Variants in HS3ST5 observed in about 807,000 individuals in gnomAD.
The protein encoded by HS3ST5 is heparan sulfate glucosamine 3-O-sulfotransferase 5.
HS3ST5 carries 10 observed loss-of-function variants against 25.4 expected under a neutral mutation model. That is an observed-to-expected ratio of 0.39 (90% confidence interval 0.24 to 0.67). The LOEUF (loss-of-function observed/expected upper bound fraction) is 0.67, where lower values mean the gene tolerates loss of function less well. HS3ST5 is among the 30% of genes least tolerant of loss of function. HS3ST5 has a pLI of 0.44. For synonymous variants in HS3ST5, 170 were observed against 162.4 expected (o/e 1.05, Z -0.36); for missense variants, 324 against 420.7 (o/e 0.77, Z 2.01).
chr6:114,058,117 G>C lies in HS3ST5; in HGVS notation c.181C>G (p.Leu61Val), dbSNP rs777952604. ...TGCAGCAGGCCACGCTTAAACTGCAGGGCGCGAAGTGGGAATTCAGCCTGA... is the reference window on the plus strand; with the variant it reads ...TGCAGCAGGCCACGCTTAAACTGCACGGCGCGAAGTGGGAATTCAGCCTGA... ...RTQAEFPLRA[L>V]QFKRGLLHEF... The change falls in exon 5 of 5, where the codon CTG becomes GTG. Residue 61 changes from leucine (L) to valine (V), a missense_variant. Leu to Val is a conservative substitution (Grantham distance 32). This residue lies in a region of HS3ST5 where 121 missense variants were observed against 117.3 expected (regional missense o/e 1.03). Coordinates refer to ENST00000312719, the MANE Select transcript of HS3ST5 (RefSeq NM_153612.4). 6.2e-6 allele frequency: 10 copies of C among 1,613,996 alleles called. No homozygotes were observed. Among genetic ancestry groups the C allele is most frequent in the Non-Finnish European group, 8.5e-6 (10 of 1,179,914 alleles).
At chr6:114,126,861 G>A (rs1777063387) in intron 3 of HS3ST5, among the ~76,000 whole-genome samples, 1 of 152,190 alleles carries the variant, frequency 6.6e-6, no homozygotes, top group Non-Finnish European at 1.5e-5. Flanking sequence ...TGCACAGGAA[G>A]CCATGAGCAG....
chr6:114,095,415 G>A (rs957166291), intron 3 of HS3ST5, among the ~76,000 whole-genome samples: 1 of 152,138 alleles, frequency 6.6e-6, no homozygotes, highest in African/African-American at 2.4e-5. Flanking sequence ...CACAACCCAT[G>A]CCTTTCTTCA....
At chr6:114,060,575 G>A (rs1429799391) in intron 4 of HS3ST5, among the ~76,000 whole-genome samples, 1 of 152,148 alleles carries the variant, frequency 6.6e-6, no homozygotes, top group African/African-American at 2.4e-5. Context: ...TCTGTCCTAA[G>A]CACCTAGAAT....
chr6:114,335,351 T>G (rs930371729), intron 1 of HS3ST5, among the ~76,000 whole-genome samples: 1 of 152,152 alleles, frequency 6.6e-6, no homozygotes, highest in Admixed American at 6.5e-5. Flanking sequence ...ACTTGATCTC[T>G]TAAGTCAAGT....
chr6:114,203,912 G>C (rs12199211), intron 2 of HS3ST5, among the ~76,000 whole-genome samples: 2,969 of 152,264 alleles, frequency 0.019, 41 homozygotes, highest in Non-Finnish European at 0.028. Flanking sequence ...CAGGCAAGAG[G>C]AACCCATTGG....
chr6:114,107,693 G>A (rs1776062135), intron 3 of HS3ST5, among the ~76,000 whole-genome samples: 1 of 152,162 alleles, frequency 6.6e-6, no homozygotes, highest in African/African-American at 2.4e-5. Flanking sequence ...TATAAACTCA[G>A]CTGTATTTCT....
chr6:114,208,680 T>C (rs1781383968), intron 2 of HS3ST5, among the ~76,000 whole-genome samples: 1 of 152,172 alleles, frequency 6.6e-6, no homozygotes, highest in Non-Finnish European at 1.5e-5. Flanking sequence ...CGTTTGTTGG[T>C]ATTGCATTGT....
At chr6:114,207,805 TTAC>T (rs1468792496) in intron 2 of HS3ST5, among the ~76,000 whole-genome samples, 6 of 152,200 alleles carry the variant, frequency 3.9e-5, no homozygotes, top group Non-Finnish European at 8.8e-5. Flanking sequence ...TTAACATACC[TTAC>T]TACTATGTAA....
intron 1 of HS3ST5, among the ~76,000 whole-genome samples, chr6:114,257,739 T>G (rs1311546513): frequency 3.9e-5 from 6 of 152,128 alleles, no homozygotes; most frequent in African/African-American, 1.4e-4. Context: ...TTCTTCTTGT[T>G]GTTCTTTTTT....
chr6:114,135,587 C>T (rs1777554726), intron 3 of HS3ST5, among the ~76,000 whole-genome samples: 1 of 152,224 alleles, frequency 6.6e-6, no homozygotes, highest in Non-Finnish European at 1.5e-5. Context: ...GCTCACTCTG[C>T]ATGTCACCAT....
chr6:114,120,414 T>C (rs1440476340), intron 3 of HS3ST5, among the ~76,000 whole-genome samples: 1 of 152,236 alleles, frequency 6.6e-6, no homozygotes, highest in African/African-American at 2.4e-5. Flanking sequence ...ATGATTTCAA[T>C]GTCTGTATTC....
chr6:114,231,629 C>T (rs1407362898), intron 1 of HS3ST5, among the ~76,000 whole-genome samples: 2 of 152,134 alleles, frequency 1.3e-5, no homozygotes, highest in African/African-American at 4.8e-5. Context: ...TATCCCCACT[C>T]CAAAGTTGCA....
At chr6:114,189,380 C>A (rs1780387818) in intron 2 of HS3ST5, among the ~76,000 whole-genome samples, 1 of 151,874 alleles carries the variant, frequency 6.6e-6, no homozygotes, top group Non-Finnish European at 1.5e-5. Context: ...GTGTGCTGGG[C>A]ACTTCATGGT....
At chr6:114,067,665 T>C (rs762400347) in intron 3 of HS3ST5, among the ~76,000 whole-genome samples, 12 of 152,156 alleles carry the variant, frequency 7.9e-5, no homozygotes, top group Non-Finnish European at 1.5e-4. Context: ...TTCTCCAGCA[T>C]TTTGTTTGCA....
At chr6:114,150,667 A>G (rs1377748929) in intron 3 of HS3ST5, among the ~76,000 whole-genome samples, 1 of 152,188 alleles carries the variant, frequency 6.6e-6, no homozygotes, top group East Asian at 1.9e-4. Flanking sequence ...TTTGCATTCT[A>G]TAGCATACAT....
chr6:114,251,457 AATTAT>A (rs1772654831), intron 1 of HS3ST5: 4 of 152,132 alleles, frequency 2.6e-5, no homozygotes, highest in Admixed American at 2.6e-4. Context: ...TGAGGGAAAG[AATTAT>A]ATTTTATTTT....
chr6:114,142,226 C>T (rs1379460851), intron 3 of HS3ST5, among the ~76,000 whole-genome samples: 1 of 152,020 alleles, frequency 6.6e-6, no homozygotes. Flanking sequence ...ATTCTTTAGA[C>T]AGGGATATGA....
chr6:114,282,388 G>A (rs994464805), intron 1 of HS3ST5, among the ~76,000 whole-genome samples: 4 of 151,860 alleles, frequency 2.6e-5, no homozygotes, highest in Non-Finnish European at 5.9e-5. Flanking sequence ...GGTATCCAGA[G>A]AATTGACTTT....
chr6:114,285,052 G>A (rs924843716), intron 1 of HS3ST5, among the ~76,000 whole-genome samples: 2 of 151,988 alleles, frequency 1.3e-5, no homozygotes, highest in African/African-American at 4.8e-5. Context: ...TCTGAATGCT[G>A]AATCTTACTG....
Sources: gnomAD v4.1 joint callset for allele counts (sites outside exome capture counted in the v4.1 genomes callset) on GRCh38, gnomAD v4.1.1 for gene constraint, gnomAD v4.1.1 regional missense constraint, MANE v1.5 for transcripts, NCBI Gene and HGNC (gene_info 2026-07-23, HGNC 2026-07-21) for gene names.